Variants in ZCCHC7 observed in about 807,000 individuals in gnomAD.
ZCCHC7 encodes zinc finger CCHC domain-containing protein 7.
Under a neutral mutation model 52.0 loss-of-function variants are expected in ZCCHC7, and 35 were observed. The ratio of observed to expected loss-of-function variants is 0.67; its 90% CI spans 0.51 to 0.89. ZCCHC7 has a LOEUF of 0.89. ZCCHC7 is among the 40% of genes least tolerant of loss of function. The probability of loss-of-function intolerance (pLI) is 0.00; values close to 1 mark genes in which losing one functional copy is unlikely to be tolerated. For synonymous variants in ZCCHC7, 217 were observed against 221.5 expected, an observed-to-expected ratio of 0.98 and a Z score of 0.18; for missense variants, 574 against 649.1, an observed-to-expected ratio of 0.88 and a Z score of 1.26.
intron 2 of ZCCHC7, among the ~76,000 whole-genome samples, chr9:37,273,754 C>G (rs1044844687): frequency 4.6e-5 from 7 of 152,158 alleles, no homozygotes; most frequent in Non-Finnish European, 8.8e-5. Flanking sequence ...AACACAGTTT[C>G]AAATGTTTAT....
chr9:37,289,477 C>A (rs1828425305), intron 2 of ZCCHC7, among the ~76,000 whole-genome samples: 1 of 152,126 alleles, frequency 6.6e-6, no homozygotes, highest in Admixed American at 6.6e-5. Flanking sequence ...AGTTCTTCAA[C>A]AAATCTTATT....
intron 2 of ZCCHC7, among the ~76,000 whole-genome samples, chr9:37,296,016 A>G (rs946311958): frequency 6.6e-6 from 1 of 152,134 alleles, no homozygotes; most frequent in East Asian, 1.9e-4. Context: ...AATATTATCT[A>G]TTTACTTTAG....
intron 2 of ZCCHC7, among the ~76,000 whole-genome samples, chr9:37,223,912 T>A (rs1046465217): frequency 2.6e-5 from 4 of 152,128 alleles, no homozygotes; most frequent in Non-Finnish European, 4.4e-5. Flanking sequence ...ATTTTTCATT[T>A]AAAAAAATTT....
At chr9:37,245,778 CT>C (rs1354809367) in intron 2 of ZCCHC7, among the ~76,000 whole-genome samples, 4 of 151,938 alleles carry the variant, frequency 2.6e-5, no homozygotes, top group African/African-American at 9.7e-5. Flanking sequence ...TTAAAATAAG[CT>C]AAACAGAGGA....
In ZCCHC7 at chr9:37,233,005, A is replaced by T. The variant is rs562883438; in HGVS notation, c.611-69183A>T. Among the ~76,000 whole-genome samples, 4 of 152,316 alleles carry T rather than the reference A, an allele frequency of 2.6e-5. 1 individual carries two copies. The highest frequency in any genetic ancestry group is 9.6e-5 in the African/African-American group (4 of 41,570). On this transcript the variant is annotated intron_variant, in intron 2 of 8. Coordinates refer to ENST00000336755, the MANE Select transcript of ZCCHC7 (RefSeq NM_032226.3). ...ATTCCCAGGTTGGTGGTGTTGGCTT[A>T]AGGGTTTAAAGTAACATCGCCATTC...
intron 6 of ZCCHC7, among the ~76,000 whole-genome samples, chr9:37,347,112 A>G (rs1184718892): frequency 1.3e-5 from 2 of 152,214 alleles, no homozygotes; most frequent in Non-Finnish European, 2.9e-5. Flanking sequence ...GTCTCCACAA[A>G]GCGTGGGGGT....
Position 37,163,221 on chromosome 9 carries a change from CAAAA to C in ZCCHC7, c.610+36285_610+36288del, listed in dbSNP as rs931150865. 5.4e-5 allele frequency among the ~76,000 whole-genome samples: 8 copies of C among 148,410 alleles called. No homozygotes were observed. The South Asian group carries it at 8.6e-4, about 16-fold the overall frequency. ...TCTCAAAAACAAACAAACAAACAAACAAAAAAAAACAAAAAGTATTTTTACGTGT... is the reference window on the plus strand; with the variant it reads ...TCTCAAAAACAAACAAACAAACAAACAAAAACAAAAAGTATTTTTACGTGT... On this transcript the variant is annotated intron_variant, in intron 2 of 8. Transcript: ENST00000336755.
chr9:37,162,230 G>A (rs1821146134), intron 2 of ZCCHC7, among the ~76,000 whole-genome samples: 1 of 151,750 alleles, frequency 6.6e-6, no homozygotes, highest in South Asian at 2.1e-4. Context: ...ATATACTATA[G>A]TATGTCAACT....
At chr9:37,255,182 C>T (rs1288348698) in intron 2 of ZCCHC7, among the ~76,000 whole-genome samples, 1 of 151,904 alleles carries the variant, frequency 6.6e-6, no homozygotes, top group Non-Finnish European at 1.5e-5. Flanking sequence ...CAAGATAGAA[C>T]AATTATAACA....
intron 2 of ZCCHC7, among the ~76,000 whole-genome samples, chr9:37,185,264 C>G (rs546526392): frequency 6.6e-6 from 1 of 152,202 alleles, no homozygotes; most frequent in East Asian, 1.9e-4. Context: ...CACCTCCTAT[C>G]CCTTAGGAGT....
At chr9:37,135,662 A>T (rs1240228417) in intron 2 of ZCCHC7, among the ~76,000 whole-genome samples, 1 of 152,118 alleles carries the variant, frequency 6.6e-6, no homozygotes, top group East Asian at 1.9e-4. Context: ...CCCTTAGGTA[A>T]ATTTATTTGC....
chr9:37,333,015 C>T (rs1388014938), intron 6 of ZCCHC7, among the ~76,000 whole-genome samples: 1 of 151,558 alleles, frequency 6.6e-6, no homozygotes, highest in East Asian at 1.9e-4. Context: ...CTGAAGTGTT[C>T]ACTCCTTCAA....
chr9:37,303,798 G>A (rs1331757091), intron 3 of ZCCHC7, among the ~76,000 whole-genome samples: 1 of 151,592 alleles, frequency 6.6e-6, no homozygotes, highest in Non-Finnish European at 1.5e-5. Context: ...CAAGTAGCTG[G>A]GATTACAGAC....
chr9:37,345,044 T>TA (rs1207683762), intron 6 of ZCCHC7, among the ~76,000 whole-genome samples: 5 of 152,194 alleles, frequency 3.3e-5, no homozygotes, highest in Non-Finnish European at 5.9e-5. Flanking sequence ...GCTTTCTACT[T>TA]ATAATAAATC....
chr9:37,267,972 G>A (rs948612756), intron 2 of ZCCHC7, among the ~76,000 whole-genome samples: 1 of 152,120 alleles, frequency 6.6e-6, no homozygotes, highest in African/African-American at 2.4e-5. Context: ...GAGATTACAG[G>A]TGTGAGCCAT....
intron 2 of ZCCHC7, among the ~76,000 whole-genome samples, chr9:37,182,419 C>G (rs1461255855): frequency 1.3e-5 from 2 of 149,000 alleles, no homozygotes; most frequent in Non-Finnish European, 3.0e-5. Flanking sequence ...TTCGCTCTGT[C>G]ACCTAGGCGA....
chr9:37,138,536 T>G (rs1843090398), intron 2 of ZCCHC7, among the ~76,000 whole-genome samples: 1 of 152,080 alleles, frequency 6.6e-6, no homozygotes, highest in African/African-American at 2.4e-5. Context: ...TAAATTTTAC[T>G]TTAAAAAAAT....
At chr9:37,220,105 G>C (rs1300483869) in intron 2 of ZCCHC7, among the ~76,000 whole-genome samples, 1 of 152,220 alleles carries the variant, frequency 6.6e-6, no homozygotes, top group Non-Finnish European at 1.5e-5. Context: ...ATACGTACAA[G>C]TAATCAGTAA....
At chr9:37,264,630 C>T (rs1827016890) in intron 2 of ZCCHC7, among the ~76,000 whole-genome samples, 1 of 152,136 alleles carries the variant, frequency 6.6e-6, no homozygotes, top group Non-Finnish European at 1.5e-5. Flanking sequence ...GAAAAGTAGG[C>T]ATTTAATATA....
Sources: allele counts gnomAD v4.1 joint callset (sites outside exome capture counted in the v4.1 genomes callset), GRCh38; gene constraint gnomAD v4.1.1; transcripts MANE v1.5; gene names NCBI Gene and HGNC (gene_info 2026-07-23, HGNC 2026-07-21).